The following SLC14A2 variants were observed in gnomAD, a reference collection of about 807,000 sequenced individuals.
SLC14A2 encodes the protein solute carrier family 14 member 2, also known as urea transporter 2.
Under a neutral mutation model 104.6 loss-of-function variants are expected in SLC14A2, and 91 were observed. The observed-to-expected ratio is 0.87, with a 90% CI of 0.73 to 1.04. The LOEUF is 1.04. Among genes scored for constraint, SLC14A2 ranks in the 50% least tolerant of loss-of-function variants. The pLI is 0.00. For synonymous variants in SLC14A2, 476 were observed against 466.4 expected (o/e 1.02, Z -0.27); for missense variants, 1,189 against 1,156.0 (o/e 1.03, Z -0.41).
intron 1 of SLC14A2, among the ~76,000 whole-genome samples, chr18:45,481,334 A>T (rs138035279): frequency 7.1e-4 from 107 of 150,930 alleles, no homozygotes; most frequent in Non-Finnish European, 1.2e-3. Context: ...TGATCTATGT[A>T]TGCCATCTAC....
At chr18:45,391,770 G>A (rs1001757776) in intron 1 of SLC14A2, among the ~76,000 whole-genome samples, 1 of 152,152 alleles carries the variant, frequency 6.6e-6, no homozygotes, top group Non-Finnish European at 1.5e-5. Context: ...TTTTGATGGG[G>A]TTGTTTGTTT....
At chr18:45,202,393 A>G in the SLC14A2 span, among the ~76,000 whole-genome samples, 1 of 152,214 alleles carries the variant, frequency 6.6e-6, no homozygotes, top group Non-Finnish European at 1.5e-5. Flanking sequence ...AGAGAAATCT[A>G]GGGACCAATT....
chr18:45,464,746 C>T (rs1051640555), intron 1 of SLC14A2, among the ~76,000 whole-genome samples: 12 of 152,104 alleles, frequency 7.9e-5, no homozygotes, highest in Admixed American at 2.6e-4. Flanking sequence ...TGCAGGTTGT[C>T]GCATCCTGGG....
In SLC14A2 at chr18:45,543,868, G is replaced by A. The variant is rs1171608766; in HGVS notation, c.-35+60546G>A. 3.9e-5 allele frequency among the ~76,000 whole-genome samples: 6 copies of A among 152,306 alleles called. No homozygotes were observed. In the South Asian group the frequency reaches 6.2e-4, roughly 16 times the overall value. Reference sequence around the variant, plus strand: ...ATTGTGCCTAAACTGTACAAACCACGTGGTTTATGCTAAACACCTATGTTC... The same window carrying A: ...ATTGTGCCTAAACTGTACAAACCACATGGTTTATGCTAAACACCTATGTTC... On this transcript the variant is annotated intron_variant, in intron 2 of 20. Coordinates refer to the SLC14A2 transcript ENST00000586448.
chr18:45,638,669 C>A (rs974979878), intron 6 of SLC14A2, among the ~76,000 whole-genome samples: 2 of 152,216 alleles, frequency 1.3e-5, no homozygotes, highest in Admixed American at 6.5e-5. Context: ...CTGACCTAAT[C>A]AATTCCTATT....
intron 1 of SLC14A2, among the ~76,000 whole-genome samples, chr18:45,359,784 G>T (rs2085592551): frequency 6.6e-6 from 1 of 152,168 alleles, no homozygotes; most frequent in Non-Finnish European, 1.5e-5. Flanking sequence ...ATGGGGCAGG[G>T]TGTCCTGGCA....
intron 2 of SLC14A2, among the ~76,000 whole-genome samples, chr18:45,531,388 C>T (rs2043684357): frequency 1.3e-5 from 2 of 152,202 alleles, no homozygotes; most frequent in Admixed American, 6.5e-5. Flanking sequence ...TAATGATCGC[C>T]ATTCTAACTG....
At chr18:45,368,121 G>A (rs2085685047) in intron 1 of SLC14A2, among the ~76,000 whole-genome samples, 1 of 152,088 alleles carries the variant, frequency 6.6e-6, no homozygotes. Flanking sequence ...GAGAGATGGA[G>A]AGACACACTC....
intron 1 of SLC14A2, among the ~76,000 whole-genome samples, chr18:45,418,657 G>T (rs1001102089): frequency 6.6e-6 from 1 of 152,144 alleles, no homozygotes; most frequent in African/African-American, 2.4e-5. Flanking sequence ...GCATTTATTT[G>T]GATGGCATCA....
At chr18:45,333,561 A>G (rs2085310035) in intron 1 of SLC14A2, among the ~76,000 whole-genome samples, 1 of 152,260 alleles carries the variant, frequency 6.6e-6, no homozygotes, top group South Asian at 2.1e-4. Flanking sequence ...GAAATATTGT[A>G]GAGTCAGTAA....
intron 1 of SLC14A2, among the ~76,000 whole-genome samples, chr18:45,235,130 G>C (rs1428010325): frequency 6.6e-6 from 1 of 152,138 alleles, no homozygotes; most frequent in Non-Finnish European, 1.5e-5. Context: ...GATGTGAGGG[G>C]CTAAGCCTTT....
intron 2 of SLC14A2, among the ~76,000 whole-genome samples, chr18:45,506,953 C>G (rs1408353701): frequency 6.6e-6 from 1 of 152,200 alleles, no homozygotes; most frequent in Non-Finnish European, 1.5e-5. Flanking sequence ...ACCCCCTCCT[C>G]AAGGGGATAT....
chr18:45,337,606 A>G (rs1333836542), intron 1 of SLC14A2, among the ~76,000 whole-genome samples: 1 of 152,180 alleles, frequency 6.6e-6, no homozygotes, highest in Non-Finnish European at 1.5e-5. Flanking sequence ...ATGCCTCATT[A>G]TTCCTCATTA....
chr18:45,465,323 A>G (rs1407281046), intron 1 of SLC14A2, among the ~76,000 whole-genome samples: 3 of 152,170 alleles, frequency 2.0e-5, no homozygotes, highest in Non-Finnish European at 4.4e-5. Context: ...AAAGCACCCA[A>G]ACAGCTCCAT....
At chr18:45,668,238 A>T (rs1354598010) in intron 14 of SLC14A2, 111 bp from the exon 15 acceptor site, 7 of 1,431,518 alleles carry the variant, frequency 4.9e-6, no homozygotes, top group Non-Finnish European at 3.8e-6. Context: ...AGGGTGGTCT[A>T]TTTGAAGGCG....
chr18:45,624,953 G>C, intron 2 of SLC14A2, 139 bp downstream of exon 2: 1 of 812,688 alleles, frequency 1.2e-6, no homozygotes. Flanking sequence ...TGACACCCAT[G>C]GTGGGTCCTA....
At chr18:45,290,131 G>A (rs1477330710) in intron 1 of SLC14A2, among the ~76,000 whole-genome samples, 1 of 151,674 alleles carries the variant, frequency 6.6e-6, no homozygotes, top group African/African-American at 2.4e-5. Flanking sequence ...TTTAGATTTC[G>A]GGGGCATATG....
intron 1 of SLC14A2, among the ~76,000 whole-genome samples, chr18:45,313,307 A>T (rs2085097554): frequency 6.6e-6 from 1 of 152,116 alleles, no homozygotes; most frequent in Non-Finnish European, 1.5e-5. Context: ...CCACACTAGG[A>T]ATATGAGGAA....
intron 1 of SLC14A2, among the ~76,000 whole-genome samples, chr18:45,254,149 C>G (rs999986860): frequency 1.3e-5 from 2 of 152,244 alleles, no homozygotes; most frequent in African/African-American, 4.8e-5. Context: ...GGACTGTCAA[C>G]CAGCTCCTCT....
Sources: allele counts gnomAD v4.1 joint callset (sites outside exome capture counted in the v4.1 genomes callset), GRCh38; gene constraint gnomAD v4.1.1; transcripts MANE v1.5; gene names NCBI Gene and HGNC (gene_info 2026-07-23, HGNC 2026-07-21).